EVPL: variants seen among roughly 807,000 people sequenced by gnomAD.
EVPL encodes envoplakin.
In EVPL, 94 loss-of-function variants were observed where a neutral mutation model predicts 129.7. The ratio of observed to expected loss-of-function variants is 0.72; its 90% confidence interval spans 0.61 to 0.86. EVPL has a LOEUF of 0.86. Ranked by LOEUF, EVPL falls within the 40% of genes least tolerant of loss-of-function variation. The probability of loss-of-function intolerance (pLI) is 0.00; values close to 1 mark genes in which losing one functional copy is unlikely to be tolerated. For synonymous variants in EVPL, 1,172 were observed against 1,191.1 expected, an observed-to-expected ratio of 0.98 and a Z score of 0.33; for missense variants, 2,625 against 2,721.1, an observed-to-expected ratio of 0.96 and a Z score of 0.79.
rs759900767 is a variant in EVPL at position 76,015,283 on chromosome 17, C to T, written c.1972G>A (p.Glu658Lys). The change falls in exon 16 of 22, where the codon GAG becomes AAG. Residue 658 changes from glutamate to lysine, a missense_variant. Around this residue, in one of 4 missense-constraint regions of EVPL, gnomAD observed 1,024 missense variants for 997.5 expected, o/e 1.03. Transcript: ENST00000301607. Reference protein sequence around the residue: ...IRGFEATLVQEAPIPAEPGAL... With the variant: ...IRGFEATLVQKAPIPAEPGAL... ...CCCGGTTCAGCAGGGATGGGGGCCT[C>T]CTGCACCAGGGTGGCCTCGAAGCCT... is the stretch of plus-strand genomic sequence containing the variant. 2 of 1,602,650 alleles carry T rather than the reference C, an allele frequency of 1.2e-6. No homozygotes were observed. The highest frequency in any genetic ancestry group is 1.7e-5 in the Admixed American group (1 of 59,602).
chr17:76,008,181 G>A lies in EVPL; in HGVS notation c.5024C>T (p.Thr1675Ile). 1 of 1,614,202 alleles carries A rather than the reference G, an allele frequency of 6.2e-7. No individual in the cohort carries two copies. ...KVSREELSQE[T>I]QTRETNLSTK... ...GGAAAGGTTGGTCTCTCGCGTCTGG[G>A]TCTCCTGGCTGAGCTCCTCCCGGCT... Residue 1675 changes from threonine to isoleucine, a missense_variant, in exon 22 of 22, where the codon ACC becomes ATC. Physicochemically the swap from Thr to Ile is moderately conservative, Grantham distance 89. Around this residue, in one of 4 missense-constraint regions of EVPL, gnomAD observed 1,453 missense variants for 1,511.8 expected, o/e 0.96. Transcript: ENST00000301607. This position sits in a 1 kb window ranked among gnomAD's most constrained non-coding sequence, Gnocchi z 7.4.
In EVPL at chr17:76,010,477, CTTGGG is replaced by C; in HGVS notation, c.2723_2727del (p.Ala908GlyfsTer25). The C allele has an allele frequency of 6.2e-7, 1 of 1,613,944 alleles. No homozygotes were observed. The highest frequency in any genetic ancestry group is 8.5e-7 in the Non-Finnish European group (1 of 1,179,916). On this transcript the variant is annotated frameshift_variant, in exon 22 of 22. Coordinates refer to ENST00000301607, the MANE Select transcript of EVPL (RefSeq NM_001988.4). LOFTEE classifies it low-confidence loss of function (END_TRUNC). ...TTCAGGGCCTCTGACTCTCTCCCTG[CTTGGG>C]CAGGGCTCTCGGAGCCCTGCTTTGC...
In EVPL at chr17:76,006,887, G is replaced by T; in HGVS notation, c.*216C>A. ...TCGTTTATTGGGATCACTGGGTGGAGGTGGAGGAAGAACTGAGTGGCTGCT... is the reference window on the plus strand; with the variant it reads ...TCGTTTATTGGGATCACTGGGTGGATGTGGAGGAAGAACTGAGTGGCTGCT... On this transcript the variant is annotated 3_prime_UTR_variant, in exon 22 of 22. Transcript: ENST00000301607. 9.3e-6 allele frequency: 4 copies of T among 430,134 alleles called. No homozygotes were observed. Among genetic ancestry groups the T allele is most frequent in the Non-Finnish European group, 1.2e-5 (3 of 252,980 alleles). The allele number at this position is 430,134 out of a possible 1,614,324, so 26.6% of individuals were successfully genotyped here. A position where few individuals can be genotyped will look rare whatever the true frequency, so the allele number is the denominator to read the frequency against.
intron 1 of EVPL, 111 bp downstream of exon 1, chr17:76,026,990 G>A (rs377687814): frequency 5.2e-5 from 32 of 618,404 alleles, no homozygotes; most frequent in Non-Finnish European, 5.5e-5. Flanking sequence ...ATGCCAGCAC[G>A]GGGCTGGTCC....
Position 76,009,302 on chromosome 17 carries a change from C to G in EVPL, c.3903G>C (p.Trp1301Cys), listed in dbSNP as rs2066353386. The G allele has an allele frequency of 1.9e-6, 3 of 1,609,260 alleles. No individual in the cohort carries two copies. In the African/African-American group the frequency reaches 4.0e-5, roughly 21 times the overall value. ...LIRLQGERDE[W>C]RRERAKVETK... The stretch of plus-strand genomic sequence containing the variant: ...TCTCCACCTTGGCCCGCTCGCGCCT[C>G]CACTCGTCGCGCTCACCCTGCAGGC... Residue 1301 changes from tryptophan to cysteine, a missense_variant, in exon 22 of 22, where the codon TGG (tryptophan) becomes TGC (cysteine). Trp to Cys is a radical substitution (Grantham distance 215). Around this residue, in one of 4 missense-constraint regions of EVPL, gnomAD observed 1,453 missense variants for 1,511.8 expected, o/e 0.96. Transcript: ENST00000301607. This position sits in a 1 kb window ranked among gnomAD's most constrained non-coding sequence, Gnocchi z 5.9.
chr17:76,023,083 C>T (rs1484157217), intron 4 of EVPL, among the ~76,000 whole-genome samples: 1 of 152,156 alleles, frequency 6.6e-6, no homozygotes, highest in Non-Finnish European at 1.5e-5. Flanking sequence ...CCTGGCCCAA[C>T]TGAGCCCTCT....
chr17:76,012,790 G>T (rs1219840166), intron 18 of EVPL, among the ~76,000 whole-genome samples: 2 of 149,438 alleles, frequency 1.3e-5, no homozygotes, highest in Non-Finnish European at 3.0e-5. Context: ...TGTCGCCCAG[G>T]CTGGAGTGCA....
In EVPL at chr17:76,023,480, C is replaced by T; in HGVS notation, c.353+20G>A. 3 of 1,611,934 alleles carry T rather than the reference C, an allele frequency of 1.9e-6. No homozygotes were observed. Among genetic ancestry groups the T allele is most frequent in the Non-Finnish European group, 2.5e-6 (3 of 1,178,848 alleles). The stretch of plus-strand genomic sequence containing the variant: ...TGGGTCTTCCCCAGGGACCCCCAGC[C>T]CTGCCGCAGCTCCACTCACTCCTTC... On this transcript the variant is annotated intron_variant, in intron 3 of 21. Coordinates refer to ENST00000301607, the MANE Select transcript of EVPL (RefSeq NM_001988.4).
At chr17:76,018,741 G>T in intron 11 of EVPL, 141 bp from the exon 12 acceptor site, 1 of 1,220,272 alleles carries the variant, frequency 8.2e-7, no homozygotes, top group Non-Finnish European at 1.1e-6. Flanking sequence ...TGCTGGGGTA[G>T]AAAAGAGGCA....
Position 76,007,543 on chromosome 17 carries a change from T to C in EVPL, c.5662A>G (p.Ile1888Val). ...SVHKAMERGL[I>V]ENTSTQRLLN... Reference sequence around the variant, plus strand: ...AGCCTCTGTGTGGAGGTGTTCTCGATCAGGCCCCTCTCCATCGCCTTGTGC... The same window carrying C: ...AGCCTCTGTGTGGAGGTGTTCTCGACCAGGCCCCTCTCCATCGCCTTGTGC... The change falls in exon 22 of 22, where the codon ATC (isoleucine) becomes GTC (valine). Residue 1888 changes from isoleucine to valine, a missense_variant. Transcript: ENST00000301607. The surrounding 1 kb of genome is among the most constrained non-coding windows in gnomAD (Gnocchi z 8.8). 6 of 1,613,900 alleles carry C rather than the reference T, an allele frequency of 3.7e-6. No individual in the cohort carries two copies. Among genetic ancestry groups the C allele is most frequent in the Non-Finnish European group, 5.1e-6 (6 of 1,180,026 alleles).
Position 76,022,018 on chromosome 17 carries a change from G to A in EVPL, c.656C>T (p.Ser219Leu), listed in dbSNP as rs1369563893. ...SQYRDLLKAA[S>L]WRGQSLGSLY... ...GCTGCCCAGGCTCTGCCCGCGCCACGACGCCGCCTTCTGTGCTCAGGACCC... is the reference window on the plus strand; with the variant it reads ...GCTGCCCAGGCTCTGCCCGCGCCACAACGCCGCCTTCTGTGCTCAGGACCC... The change falls in exon 7 of 22, where the codon TCG (serine) becomes TTG (leucine). Residue 219 changes from serine to leucine, a missense_variant. By Grantham distance (145) the Ser-to-Leu change is moderately radical. Transcript: ENST00000301607. The surrounding 1 kb of genome is among the most constrained non-coding windows in gnomAD (Gnocchi z 5.6). 9.6e-6 allele frequency: 15 copies of A among 1,554,808 alleles called. No homozygotes were observed. The highest frequency in any genetic ancestry group is 1.1e-5 in the Non-Finnish European group (13 of 1,157,880).
rs200895582 is a variant in EVPL at position 76,010,126 on chromosome 17, C to T, written c.3079G>A (p.Gly1027Ser). ...KEVTQVERDP[G>S]LDSQAAQLRI... ...AGCTGGGCCGCCTGGCTGTCCAGGC[C>T]GGGGTCCCTCTCCACCTGGGTGACC... Residue 1027 changes from glycine to serine, a missense_variant, in exon 22 of 22, where the codon GGC becomes AGC. Physicochemically the swap from Gly to Ser is moderately conservative, Grantham distance 56. This residue lies in a region of EVPL where 1,453 missense variants were observed against 1,511.8 expected (regional missense o/e 0.96). Transcript: ENST00000301607. The T allele has an allele frequency of 2.4e-5, 39 of 1,613,966 alleles. No individual in the cohort carries two copies. The highest frequency in any genetic ancestry group is 1.6e-4 in the Middle Eastern group (1 of 6,084).
chr17:76,022,436 G>T lies in EVPL; in HGVS notation c.583C>A (p.Gln195Lys), dbSNP rs765567971. Residue 195 changes from glutamine to lysine, a missense_variant, in exon 5 of 22, where the codon CAG becomes AAG. By Grantham distance (53) the Gln-to-Lys change is moderately conservative. Coordinates refer to ENST00000301607, the MANE Select transcript of EVPL (RefSeq NM_001988.4). This position sits in a 1 kb window ranked among gnomAD's most constrained non-coding sequence, Gnocchi z 5.6. ...LQKEIDAYGQ[Q>K]LRSLVGPDAA... ...ACCGGCCCCACGAGGCTCCGCAGCT[G>T]CTGCCCATAGGCGTCGATCTCCTTC... 1 of 1,613,828 alleles carries T rather than the reference G, an allele frequency of 6.2e-7. No individual in the cohort carries two copies. The highest frequency in any genetic ancestry group is 1.7e-5 in the Admixed American group (1 of 60,020).
At chr17:76,021,610 CGCCCCA>C in intron 8 of EVPL, 47 bp from the exon 9 acceptor site, 3 of 1,357,574 alleles carry the variant, frequency 2.2e-6, no homozygotes, top group Non-Finnish European at 2.9e-6. Flanking sequence ...CCCCCACGTC[CGCCCCA>C]CCTCCCCCCT....
intron 14 of EVPL, among the ~76,000 whole-genome samples, chr17:76,015,901 T>C (rs2066416417): frequency 6.6e-6 from 1 of 152,166 alleles, no homozygotes; most frequent in South Asian, 2.1e-4. Context: ...CCTAGCACTT[T>C]GGGAGGCCAA....
rs2066397677 is a variant in EVPL, at chr17:76,013,959, C to G, written c.2373+467G>C. 6.6e-6 allele frequency among the ~76,000 whole-genome samples: 1 copy of G among 152,144 alleles called. No homozygotes were observed. Among genetic ancestry groups the G allele is most frequent in the African/African-American group, 2.4e-5 (1 of 41,442 alleles). ...TCCTTTCCCCTGACTGCCATGCCTT[C>G]TGCATGGGACATTTCATCCCTCCCC... is the stretch of plus-strand genomic sequence containing the variant. On this transcript the variant is annotated intron_variant, in intron 18 of 21. Coordinates refer to ENST00000301607, the MANE Select transcript of EVPL (RefSeq NM_001988.4). This position sits in a 1 kb window ranked among gnomAD's most constrained non-coding sequence, Gnocchi z 4.3.
chr17:76,017,013 C>T (rs1413326768), intron 14 of EVPL, among the ~76,000 whole-genome samples: 2 of 152,042 alleles, frequency 1.3e-5, no homozygotes, highest in Non-Finnish European at 2.9e-5. Context: ...AGGAGTTCGA[C>T]ATCAGCCTGG....
Position 76,018,047 on chromosome 17 carries a change from C to G in EVPL, c.1537+114G>C, listed in dbSNP as rs1470119192. On this transcript the variant is annotated intron_variant, in intron 13 of 21. Transcript: ENST00000301607. ...GCAGGGCCACCCCAGAGATGAAATCCCCAGAGTGATGGTCCCTAACCCAAG... is the reference window on the plus strand; with the variant it reads ...GCAGGGCCACCCCAGAGATGAAATCGCCAGAGTGATGGTCCCTAACCCAAG... 3.3e-6 allele frequency: 5 copies of G among 1,529,444 alleles called. No individual in the cohort carries two copies. In the East Asian group the frequency reaches 1.2e-4, roughly 37 times the overall value. 94.7% of individuals were successfully genotyped at this position (1,529,444 alleles called of 1,614,324 possible). A position where few individuals can be genotyped will look rare whatever the true frequency, so the allele number is the denominator to read the frequency against.
chr17:76,019,454 G>T, intron 10 of EVPL, 74 bp downstream of exon 10: 2 of 1,485,260 alleles, frequency 1.3e-6, no homozygotes, highest in African/African-American at 1.4e-5. Flanking sequence ...AAGGCAGAAG[G>T]GGTGAGGCCC....
Sources: allele counts gnomAD v4.1 joint callset (sites outside exome capture counted in the v4.1 genomes callset), GRCh38; gene constraint gnomAD v4.1.1; regional missense constraint gnomAD v4.1.1; non-coding constraint Gnocchi (gnomAD v3.1); transcripts MANE v1.5; gene names NCBI Gene and HGNC (gene_info 2026-07-23, HGNC 2026-07-21).